Variants in BEX3 observed in about 807,000 individuals in gnomAD.
BEX3 encodes protein BEX3.
BEX3 carries 1 observed loss-of-function variant against 6.1 expected under a neutral mutation model. The ratio of observed to expected loss-of-function variants is 0.16; its 90% CI spans 0.06 to 0.78. The LOEUF (loss-of-function observed/expected upper bound fraction) is 0.78, where lower values mean the gene tolerates loss of function less well. Among genes scored for constraint, BEX3 ranks in the 30% least tolerant of loss-of-function variants. The pLI is 0.75. For missense variants in BEX3, 49 were observed against 84.7 expected (o/e 0.58, Z 1.65); for synonymous variants, 33 against 25.2 (o/e 1.31, Z -0.93).
rs1484299475 is a variant in BEX3 at position 103,376,580 on chromosome X, G to C, written c.-125G>C. ...AGCTCCCCGCTGCCCTGAGCTCGGC[G>C]GGCTGGCATTCGGCCCGGGGAAAAG... On this transcript the variant is annotated 5_prime_UTR_variant, in exon 1 of 3. Transcript: ENST00000361298. 6.9e-5 allele frequency: 52 copies of C among 751,622 alleles called. No homozygotes were observed. The highest frequency in any genetic ancestry group is 7.8e-5 in the Non-Finnish European group (50 of 638,559). The allele number at this position is 751,622 out of a possible 1,213,427, so 61.9% of individuals were successfully genotyped here.
intron 1 of BEX3, 140 bp downstream of exon 1, chrX:103,376,753 G>A (rs902199612): frequency 4.3e-5 from 8 of 184,724 alleles, no homozygotes; most frequent in Non-Finnish European, 6.7e-5. Context: ...GGCCCCCAGG[G>A]ATGGGGAAGC....
Position 103,378,082 on chromosome X carries a change from TTTA to T in BEX3, c.*258_*260del. On this transcript the variant is annotated 3_prime_UTR_variant, in exon 3 of 3. Transcript: ENST00000361298. ...AGCAATTTAAAAAGCAATCTATACA[TTTA>T]TTGTCTCATTAAAAATGTATACTTA... is the stretch of plus-strand genomic sequence containing the variant. 3.0e-6 allele frequency: 1 copy of T among 328,533 alleles called. No homozygotes were observed. The highest frequency in any genetic ancestry group is 5.4e-6 in the Non-Finnish European group (1 of 183,710). 27.1% of individuals were successfully genotyped at this position (328,533 alleles called of 1,213,427 possible).
intron 2 of BEX3, 22 bp downstream of exon 2, chrX:103,377,128 GGGGCGGGGGTC>G (rs1233978955): frequency 3.2e-6 from 1 of 313,174 alleles, no homozygotes; most frequent in Non-Finnish European, 4.6e-6. Context: ...GGACGGTGGT[GGGGCGGGGGTC>G]GGAACGTAAG....
intron 1 of BEX3, 86 bp downstream of exon 1, chrX:103,376,699 C>A (rs1927232852): frequency 2.6e-6 from 1 of 381,113 alleles, no homozygotes; most frequent in Non-Finnish European, 3.4e-6. Flanking sequence ...CGCAGGGGGT[C>A]CCCGCCAGCT....
In BEX3 at chrX:103,377,043, T is replaced by A; in HGVS notation, c.-76T>A. 1 of 229,958 alleles carries A rather than the reference T, an allele frequency of 4.3e-6. No homozygotes were observed. The highest frequency in any genetic ancestry group is 6.1e-6 in the Non-Finnish European group (1 of 164,671). 19.0% of individuals were successfully genotyped at this position (229,958 alleles called of 1,213,427 possible). On this transcript the variant is annotated 5_prime_UTR_variant, in exon 2 of 3. Coordinates refer to ENST00000361298, the MANE Select transcript of BEX3 (RefSeq NM_206917.3). Reference sequence around the variant, plus strand: ...TCGACTGCAGGTCTGCGAGGCTAAGTGTCTCCGCGGCGCACCTCGCGGCGA... The same window carrying A: ...TCGACTGCAGGTCTGCGAGGCTAAGAGTCTCCGCGGCGCACCTCGCGGCGA...
At position 103,377,692 on chromosome X, in the gene BEX3, G is replaced by A; in HGVS notation, c.171G>A (p.Met57Ile). Residue 57 changes from methionine (M) to isoleucine (I), a missense_variant, in exon 3 of 3, where the codon ATG (methionine) becomes ATA (isoleucine). By Grantham distance (10) the Met-to-Ile change is conservative. Transcript: ENST00000361298. ...NDGMGGDGDD[M>I]EIFMEEMREI... ...GGATGGGTGGAGATGGAGATGATAT[G>A]GAAATATTCATGGAGGAGATGAGAG... The A allele has an allele frequency of 8.3e-7, 1 of 1,210,655 alleles. No homozygotes were observed. The highest frequency in any genetic ancestry group is 3.0e-5 in the East Asian group (1 of 33,823).
intron 2 of BEX3, 63 bp downstream of exon 2, chrX:103,377,169 C>T: frequency 3.8e-6 from 1 of 265,379 alleles, no homozygotes; most frequent in Non-Finnish European, 6.2e-6. Flanking sequence ...GTCTGAGACC[C>T]CAACCCCCTC....
chrX:103,377,633 C>G lies in BEX3; in HGVS notation c.112C>G (p.Arg38Gly), dbSNP rs770614081. Residue 38 changes from arginine (R) to glycine (G), a missense_variant, in exon 3 of 3, where the codon CGA becomes GGA. Transcript: ENST00000361298. ...GGCTCGCCGACTTGCCCCTAATTTT[C>G]GATGGGCCATACCCAATAGGCAGAT... ...GQARRLAPNF[R>G]WAIPNRQIND... The G allele has an allele frequency of 3.3e-6, 4 of 1,209,262 alleles. No homozygotes were observed. The highest frequency in any genetic ancestry group is 4.5e-6 in the Non-Finnish European group (4 of 895,084).
chrX:103,377,784 C>CTAA lies in BEX3; in HGVS notation c.265_267dup (p.Asn89dup), dbSNP rs1569322301. The stretch of plus-strand genomic sequence containing the variant: ...CTGCGTATCCTTATGGGGGAGCTCT[C>CTAA]TAATCACCATGACCATCATGATGAA... On this transcript the variant is annotated inframe_insertion, in exon 3 of 3. Coordinates refer to ENST00000361298, the MANE Select transcript of BEX3 (RefSeq NM_206917.3). The CTAA allele has an allele frequency of 8.3e-7, 1 of 1,209,203 alleles. No individual in the cohort carries two copies. Among genetic ancestry groups the CTAA allele is most frequent in the Admixed American group, 2.2e-5 (1 of 45,938 alleles).
chrX:103,376,551 T>C lies in BEX3; in HGVS notation c.-154T>C. ...GGTGCAGTCGTCACTCGCGTCTGGC[T>C]ACCAGCTCCCCGCTGCCCTGAGCTC... is the stretch of plus-strand genomic sequence containing the variant. On this transcript the variant is annotated 5_prime_UTR_variant, in exon 1 of 3. Coordinates refer to ENST00000361298, the MANE Select transcript of BEX3 (RefSeq NM_206917.3). The C allele has an allele frequency of 1.5e-5, 11 of 753,802 alleles. No homozygotes were observed. The highest frequency in any genetic ancestry group is 1.7e-5 in the Non-Finnish European group (11 of 639,050). 62.1% of individuals were successfully genotyped at this position (753,802 alleles called of 1,213,427 possible).
In BEX3 at chrX:103,377,705, G is replaced by A. The variant is rs762003969; in HGVS notation, c.184G>A (p.Glu62Lys). 1 of 1,210,735 alleles carries A rather than the reference G, an allele frequency of 8.3e-7. No homozygotes were observed. Among genetic ancestry groups the A allele is most frequent in the Non-Finnish European group, 1.1e-6 (1 of 894,750 alleles). ...TGGAGATGATATGGAAATATTCATG[G>A]AGGAGATGAGAGAAATCAGAAGAAA... ...GDGDDMEIFM[E>K]EMREIRRKLR... The change falls in exon 3 of 3, where the codon GAG (glutamate) becomes AAG (lysine). Residue 62 changes from glutamate (E) to lysine (K), a missense_variant. Physicochemically the swap from Glu to Lys is moderately conservative, Grantham distance 56 (BLOSUM62 1). Coordinates refer to ENST00000361298, the MANE Select transcript of BEX3 (RefSeq NM_206917.3).
Position 103,377,087 on chromosome X carries a change from G to A in BEX3, c.-32G>A. 3.2e-6 allele frequency: 1 copy of A among 308,638 alleles called. No homozygotes were observed. The highest frequency in any genetic ancestry group is 1.3e-4 in the South Asian group (1 of 7,814). 25.4% of individuals were successfully genotyped at this position (308,638 alleles called of 1,213,427 possible). ...GCGGCGAGAATCCGGAGGAGAAGGAGACTGCAAGGATAGGCCCAGGTCGGT... is the reference window on the plus strand; with the variant it reads ...GCGGCGAGAATCCGGAGGAGAAGGAAACTGCAAGGATAGGCCCAGGTCGGT... On this transcript the variant is annotated 5_prime_UTR_variant, in exon 2 of 3. Coordinates refer to ENST00000361298, the MANE Select transcript of BEX3 (RefSeq NM_206917.3).
At chrX:103,377,253 C>G (rs915010247) in intron 2 of BEX3, 147 bp downstream of exon 2, 1 of 382,391 alleles carries the variant, frequency 2.6e-6, no homozygotes. Flanking sequence ...TCCCGGGAAA[C>G]GAAAAATGGT....
In BEX3 at chrX:103,377,134, G is replaced by T. The variant is rs772238417; in HGVS notation, c.-13+28G>T. 8 of 306,608 alleles carry T rather than the reference G, an allele frequency of 2.6e-5. No individual in the cohort carries two copies. The East Asian group carries it at 9.2e-4, about 35-fold the overall frequency. 25.3% of individuals were successfully genotyped at this position (306,608 alleles called of 1,213,427 possible). The stretch of plus-strand genomic sequence containing the variant: ...CGGTGCGAGGGACGGTGGTGGGGCG[G>T]GGGTCGGAACGTAAGGAAAGCCCAG... On this transcript the variant is annotated intron_variant, in intron 2 of 2. Transcript: ENST00000361298.
chrX:103,376,534 C>A (rs1195638445), upstream of BEX3: 2 of 753,190 alleles, frequency 2.7e-6, no homozygotes, highest in Non-Finnish European at 3.1e-6. Context: ...TCGGTGCAGT[C>A]GTCACTCGCG....
upstream of BEX3, chrX:103,376,506 T>C: frequency 1.3e-6 from 1 of 753,040 alleles, no homozygotes; most frequent in Non-Finnish European, 1.6e-6. Context: ...GACCCAGAGC[T>C]GCAGAGCGAC....
At chrX:103,376,710 T>C (rs1181933915) in intron 1 of BEX3, 97 bp downstream of exon 1, 1 of 303,111 alleles carries the variant, frequency 3.3e-6, no homozygotes, top group Admixed American at 9.2e-5. Context: ...CCCGCCAGCT[T>C]TCTCCACACC....
At position 103,377,115 on chromosome X, in the gene BEX3, G is replaced by A. The variant is rs1456839675; in HGVS notation, c.-13+9G>A. Reference sequence around the variant, plus strand: ...TGCAAGGATAGGCCCAGGTCGGTGCGAGGGACGGTGGTGGGGCGGGGGTCG... The same window carrying A: ...TGCAAGGATAGGCCCAGGTCGGTGCAAGGGACGGTGGTGGGGCGGGGGTCG... On this transcript the variant is annotated intron_variant, in intron 2 of 2. Coordinates refer to ENST00000361298, the MANE Select transcript of BEX3 (RefSeq NM_206917.3). 9.0e-6 allele frequency: 3 copies of A among 334,005 alleles called. No individual in the cohort carries two copies. The East Asian group carries it at 4.0e-4, about 45-fold the overall frequency. 27.5% of individuals were successfully genotyped at this position (334,005 alleles called of 1,213,427 possible).
chrX:103,377,601 G>T lies in BEX3; in HGVS notation c.80G>T (p.Arg27Leu). ...GGCCACCAGCCTGCAGGAAATCGAC[G>T]GGGACAGGCTCGCCGACTTGCCCCT... is the stretch of plus-strand genomic sequence containing the variant. ...GEGHQPAGNRRGQARRLAPNF... is the reference protein window; with the variant it reads ...GEGHQPAGNRLGQARRLAPNF... Residue 27 changes from arginine (R) to leucine (L), a missense_variant, in exon 3 of 3, where the codon CGG becomes CTG. Arg to Leu is a moderately radical substitution (Grantham distance 102). Transcript: ENST00000361298. 2 of 1,211,763 alleles carry T rather than the reference G, an allele frequency of 1.7e-6. No individual in the cohort carries two copies. Among genetic ancestry groups the T allele is most frequent in the Non-Finnish European group, 1.1e-6 (1 of 895,514 alleles).
Sources: allele counts gnomAD v4.1 joint callset, GRCh38; gene constraint gnomAD v4.1.1; transcripts MANE v1.5; gene names NCBI Gene and HGNC (gene_info 2026-07-23, HGNC 2026-07-21).